Variants in NRXN1 observed in about 807,000 individuals in gnomAD.
The protein encoded by NRXN1 is neurexin-1.
In NRXN1, 39 loss-of-function variants were observed where a neutral mutation model predicts 150.9. The observed-to-expected ratio is 0.26, with a 90% CI of 0.20 to 0.34. NRXN1 has a LOEUF of 0.34. Among genes scored for constraint, NRXN1 ranks in the 10% least tolerant of loss-of-function variants. NRXN1 has a pLI of 1.00. For synonymous variants in NRXN1, 924 were observed against 757.0 expected (o/e 1.22, Z -3.62); for missense variants, 1,815 against 1,949.9 (o/e 0.93, Z 1.30).
At chr2:50,271,956 G>A (rs1054990941) in intron 17 of NRXN1, among the ~76,000 whole-genome samples, 1 of 152,156 alleles carries the variant, frequency 6.6e-6, no homozygotes, top group Non-Finnish European at 1.5e-5. Flanking sequence ...AAAGCCACCC[G>A]AGAGGTAATG....
chr2:50,561,370 A>G (rs939469377), intron 8 of NRXN1, among the ~76,000 whole-genome samples: 14 of 152,232 alleles, frequency 9.2e-5, no homozygotes, highest in Admixed American at 6.5e-5. Context: ...AATGAACCAC[A>G]AATGTCAGTA....
intron 15 of NRXN1, among the ~76,000 whole-genome samples, chr2:50,486,683 G>T: frequency 6.6e-6 from 1 of 151,970 alleles, no homozygotes; most frequent in African/African-American, 2.4e-5. Flanking sequence ...GGAGGGGAGA[G>T]GGAGGAGAGA....
intron 18 of NRXN1, among the ~76,000 whole-genome samples, chr2:50,142,097 T>C (rs1014386044): frequency 2.6e-4 from 39 of 152,038 alleles, no homozygotes; most frequent in Admixed American, 2.6e-4. Flanking sequence ...TGGTGGTATA[T>C]GTACACAGTG....
At chr2:50,901,307 G>C (rs531370489) in intron 5 of NRXN1, among the ~76,000 whole-genome samples, 1 of 152,088 alleles carries the variant, frequency 6.6e-6, no homozygotes, top group East Asian at 1.9e-4. Context: ...AGGCTGAGGC[G>C]GGCGGATCAC....
At chr2:50,675,050 C>G (rs375927126) in intron 5 of NRXN1, among the ~76,000 whole-genome samples, 2 of 151,882 alleles carry the variant, frequency 1.3e-5, no homozygotes, top group African/African-American at 4.8e-5. Flanking sequence ...TCTTCCCTCT[C>G]GCTCCTGCTC....
intron 2 of NRXN1, among the ~76,000 whole-genome samples, chr2:50,996,948 T>C (rs1699392464): frequency 6.6e-6 from 1 of 152,022 alleles, no homozygotes; most frequent in East Asian, 1.9e-4. Flanking sequence ...AATCCCTCTT[T>C]GTTATTGTTT....
chr2:50,900,711 T>C (rs188182614), intron 5 of NRXN1, among the ~76,000 whole-genome samples: 3 of 152,188 alleles, frequency 2.0e-5, no homozygotes, highest in Non-Finnish European at 4.4e-5. Context: ...TAAGGGAACA[T>C]TTGCACATTT....
chr2:50,335,403 G>A (rs1043700578), intron 17 of NRXN1, among the ~76,000 whole-genome samples: 58 of 152,074 alleles, frequency 3.8e-4, no homozygotes, highest in African/African-American at 1.4e-3. Context: ...GAAATCTCTC[G>A]CAACTGTAAT....
intron 17 of NRXN1, among the ~76,000 whole-genome samples, chr2:50,356,673 C>G: frequency 6.6e-6 from 1 of 152,132 alleles, no homozygotes; most frequent in South Asian, 2.1e-4. Flanking sequence ...AAGCAATGAA[C>G]TTACCTTATT....
At chr2:50,815,630 T>C (rs541839369) in intron 5 of NRXN1, among the ~76,000 whole-genome samples, 9 of 152,268 alleles carry the variant, frequency 5.9e-5, no homozygotes, top group South Asian at 2.1e-4. Context: ...ATAAATTCTA[T>C]ATAAAAAGCA....
At chr2:50,614,733 C>CA (rs33968907) in intron 8 of NRXN1, among the ~76,000 whole-genome samples, 65,255 of 98,002 alleles carry the variant, frequency 0.67, 22,221 homozygotes, top group Non-Finnish European at 0.74. Context: ...ATCAGCCATT[C>CA]AAAAAAAAAA....
rs771790386 is a variant in NRXN1, at chr2:50,840,023, C to CTGAT, written c.832+81842_832+81845dup. Among the ~76,000 whole-genome samples, 9 of 152,096 alleles carry CTGAT rather than the reference C, an allele frequency of 5.9e-5. 1 individual carries two copies. Among genetic ancestry groups the CTGAT allele is most frequent in the Non-Finnish European group, 1.0e-4 (7 of 67,990 alleles). ...TTCACTTCTAATAAATAAGAGGACA[C>CTGAT]TGATTCCCAGTGTACCCAGGATGGT... On this transcript the variant is annotated intron_variant, in intron 5 of 22. Transcript: ENST00000401669.
chr2:49,951,975 T>C (rs1305864943), intron 21 of NRXN1, among the ~76,000 whole-genome samples: 1 of 152,018 alleles, frequency 6.6e-6, no homozygotes, highest in Non-Finnish European at 1.5e-5. Context: ...AAACATGTTT[T>C]AGTTAAGCAG....
chr2:50,186,052 T>C (rs1166236946), intron 18 of NRXN1, among the ~76,000 whole-genome samples: 1 of 152,084 alleles, frequency 6.6e-6, no homozygotes, highest in Non-Finnish European at 1.5e-5. Flanking sequence ...ACTAGTACAA[T>C]TGATGGAAAA....
At chr2:50,075,403 T>C (rs1409073738) in intron 19 of NRXN1, among the ~76,000 whole-genome samples, 1 of 152,194 alleles carries the variant, frequency 6.6e-6, no homozygotes, top group African/African-American at 2.4e-5. Context: ...CCCAATTGTG[T>C]AAAAAGCCTT....
intron 18 of NRXN1, among the ~76,000 whole-genome samples, chr2:50,182,086 T>C (rs1353100970): frequency 1.3e-5 from 2 of 150,420 alleles, no homozygotes; most frequent in Non-Finnish European, 3.0e-5. Flanking sequence ...TTTCATTGGT[T>C]ACTACTTCTT....
At chr2:50,091,599 T>C (rs1253768221) in intron 18 of NRXN1, 105 bp from the exon 19 acceptor site, 1 of 1,180,050 alleles carries the variant, frequency 8.5e-7, no homozygotes, top group Non-Finnish European at 1.2e-6. Context: ...GGACAACAGC[T>C]GCTTTCCTCC....
chr2:50,434,611 T>G (rs1178567392), intron 17 of NRXN1, among the ~76,000 whole-genome samples: 7 of 152,142 alleles, frequency 4.6e-5, no homozygotes, highest in Non-Finnish European at 1.0e-4. Flanking sequence ...AATGGGAAGG[T>G]CATCTTTAAG....
chr2:50,113,186 C>G (rs529207510), intron 18 of NRXN1, among the ~76,000 whole-genome samples: 11 of 152,180 alleles, frequency 7.2e-5, no homozygotes, highest in Non-Finnish European at 1.6e-4. Flanking sequence ...ACAGTAGGTA[C>G]TTAATAAATG....
Sources: allele counts gnomAD v4.1 joint callset (sites outside exome capture counted in the v4.1 genomes callset), GRCh38; gene constraint gnomAD v4.1.1; transcripts MANE v1.5; gene names NCBI Gene and HGNC (gene_info 2026-07-23, HGNC 2026-07-21).